FAM118A: variants seen among roughly 807,000 people sequenced by gnomAD.
FAM118A encodes SIR2 antiphage like 2.
A neutral mutation model predicts 38.2 loss-of-function variants in FAM118A; 25 were observed. That is an observed-to-expected ratio of 0.65 (90% confidence interval 0.48 to 0.91). The LOEUF (loss-of-function observed/expected upper bound fraction) is 0.91, where lower values mean the gene tolerates loss of function less well. FAM118A is among the 40% of genes least tolerant of loss of function. The pLI is 0.00. For missense variants in FAM118A, 425 were observed against 463.3 expected, an observed-to-expected ratio of 0.92 and a Z score of 0.76; for synonymous variants, 178 against 184.1, an observed-to-expected ratio of 0.97 and a Z score of 0.27.
intron 1 of FAM118A, among the ~76,000 whole-genome samples, chr22:45,317,153 G>T (rs2084642192): frequency 6.6e-6 from 1 of 152,182 alleles, no homozygotes; most frequent in African/African-American, 2.4e-5. Flanking sequence ...GAGGCAAGTG[G>T]ATTGCTTGAG....
chr22:45,316,337 GC>G (rs1266532263), intron 1 of FAM118A, among the ~76,000 whole-genome samples: 3 of 152,172 alleles, frequency 2.0e-5, no homozygotes, highest in Non-Finnish European at 4.4e-5. Context: ...TCCACATCCA[GC>G]CTTGCTCAGT....
intron 1 of FAM118A, chr22:45,318,697 A>C (rs896634948): frequency 6.6e-6 from 1 of 152,232 alleles, no homozygotes; most frequent in Non-Finnish European, 1.5e-5. Flanking sequence ...AATATGGGCA[A>C]CTGTGCAGTT....
intron 1 of FAM118A, chr22:45,322,115 TGC>T: frequency 7.7e-7 from 1 of 1,298,436 alleles, no homozygotes; most frequent in Non-Finnish European, 1.0e-6. Flanking sequence ...CTCCTGTGTG[TGC>T]GTTTTCCTTC....
intron 7 of FAM118A, 61 bp downstream of exon 7, chr22:45,335,443 T>G: frequency 6.4e-7 from 1 of 1,566,846 alleles, no homozygotes. Flanking sequence ...TTGTCTTCTG[T>G]CACTAACTGT....
intron 1 of FAM118A, chr22:45,318,606 T>G (rs1342676794): frequency 6.6e-6 from 1 of 152,194 alleles, no homozygotes; most frequent in African/African-American, 2.4e-5. Context: ...GAGATTTGAC[T>G]CTGATGTTTA....
chr22:45,313,139 A>G (rs2084448177), intron 1 of FAM118A, among the ~76,000 whole-genome samples: 1 of 152,078 alleles, frequency 6.6e-6, no homozygotes. Context: ...GGATTCTAGG[A>G]GTAGTAAGAC....
chr22:45,335,362 T>G lies in FAM118A; in HGVS notation c.950T>G (p.Val317Gly). ...CKQQSPDADRVDSTTLLGNAC... is the reference protein window; with the variant it reads ...CKQQSPDADRGDSTTLLGNAC... ...CTTTCTCCTTCAGATGCTGATCGCG[T>G]GGACAGCACCACATTATTGGGTAAA... Residue 317 changes from valine to glycine, a missense_variant, in exon 7 of 9, where the codon GTG (valine) becomes GGG (glycine). Transcript: ENST00000441876. The G allele has an allele frequency of 1.2e-6, 2 of 1,614,246 alleles. No individual in the cohort carries two copies. The highest frequency in any genetic ancestry group is 1.7e-6 in the Non-Finnish European group (2 of 1,180,050).
At chr22:45,335,292 C>G (rs1048554303) in intron 6 of FAM118A, 58 bp from the exon 7 acceptor site, 8 of 1,602,054 alleles carry the variant, frequency 5.0e-6, no homozygotes, top group Non-Finnish European at 6.0e-6. Context: ...TCAGGGTGGC[C>G]GAGGAGGACG....
intron 6 of FAM118A, among the ~76,000 whole-genome samples, chr22:45,334,568 C>T (rs1280950239): frequency 1.3e-5 from 2 of 152,164 alleles, no homozygotes; most frequent in Non-Finnish European, 2.9e-5. Flanking sequence ...TCCTGCTTGC[C>T]ATGTGTCACC....
At chr22:45,310,689 C>T (rs1478688618) in intron 1 of FAM118A, among the ~76,000 whole-genome samples, 6 of 152,212 alleles carry the variant, frequency 3.9e-5, no homozygotes, top group Admixed American at 6.5e-5. Flanking sequence ...TAACTTAAGA[C>T]GGTAACAGCG....
rs751780686 is a variant in FAM118A at position 45,322,377 on chromosome 22, C to T, written c.-3C>T. On this transcript the variant is annotated 5_prime_UTR_variant, in exon 2 of 9. Transcript: ENST00000441876. The stretch of plus-strand genomic sequence containing the variant: ...GACTAATTTTTCTCTTTAGAATTCA[C>T]AGATGGATTCAGTGGAAAAGACAAC... The T allele has an allele frequency of 2.5e-6, 4 of 1,609,464 alleles. No individual in the cohort carries two copies. The highest frequency in any genetic ancestry group is 3.4e-6 in the Non-Finnish European group (4 of 1,178,874).
At chr22:45,316,369 TCTC>T (rs943061869) in intron 1 of FAM118A, among the ~76,000 whole-genome samples, 3 of 152,120 alleles carry the variant, frequency 2.0e-5, no homozygotes, top group Admixed American at 6.5e-5. Flanking sequence ...GCCACACTCT[TCTC>T]CTCTCCCAAG....
chr22:45,333,256 TG>T, intron 6 of FAM118A, among the ~76,000 whole-genome samples: 1 of 152,326 alleles, frequency 6.6e-6, no homozygotes, highest in Non-Finnish European at 1.5e-5. Flanking sequence ...CTGGGCACCG[TG>T]GCTCACGCCT....
intron 1 of FAM118A, among the ~76,000 whole-genome samples, chr22:45,315,731 G>A (rs1451387000): frequency 1.3e-5 from 2 of 152,018 alleles, no homozygotes; most frequent in Non-Finnish European, 2.9e-5. Flanking sequence ...AGGTCTACCT[G>A]GCTGGGGGAA....
At chr22:45,317,960 G>A (rs2084680505) in intron 1 of FAM118A, among the ~76,000 whole-genome samples, 1 of 152,226 alleles carries the variant, frequency 6.6e-6, no homozygotes, top group African/African-American at 2.4e-5. Context: ...CTGTAGAAGG[G>A]TGTGGCTGCC....
intron 5 of FAM118A, 140 bp from the exon 6 acceptor site, chr22:45,332,285 T>C (rs78825211): frequency 3.0e-5 from 12 of 402,896 alleles, no homozygotes; most frequent in Admixed American, 1.3e-4. Flanking sequence ...ATACTGTCCT[T>C]CTAACTGTGC....
At chr22:45,320,947 G>T (rs942159279) in intron 1 of FAM118A, among the ~76,000 whole-genome samples, 2 of 151,970 alleles carry the variant, frequency 1.3e-5, no homozygotes, top group Non-Finnish European at 2.9e-5. Context: ...GGTGGTCAGG[G>T]TGTTATACTA....
intron 1 of FAM118A, chr22:45,322,158 C>T (rs1356772121): frequency 1.3e-6 from 2 of 1,495,280 alleles, no homozygotes; most frequent in Admixed American, 2.0e-5. Flanking sequence ...AGCGAGAGTC[C>T]AACCAGCCTG....
intron 7 of FAM118A, 32 bp downstream of exon 7, chr22:45,335,414 T>G (rs1396831075): frequency 1.4e-5 from 23 of 1,613,822 alleles, no homozygotes; most frequent in Non-Finnish European, 1.8e-5. Flanking sequence ...GCCAGCCTGT[T>G]TTTTGCCTAC....
Sources: allele counts gnomAD v4.1 joint callset (sites outside exome capture counted in the v4.1 genomes callset), GRCh38; gene constraint gnomAD v4.1.1; transcripts MANE v1.5; gene names NCBI Gene and HGNC (gene_info 2026-07-23, HGNC 2026-07-21).